The following CELF5 variants were observed in gnomAD, a reference collection of about 807,000 sequenced individuals.
CELF5 encodes the protein CUG-BP and ETR-3 like factor 5.
CELF5 carries 6 observed loss-of-function variants against 54.9 expected under a neutral mutation model. The observed-to-expected ratio is 0.11, with a 90% CI of 0.06 to 0.22. The LOEUF is 0.22. CELF5 is among the 10% of genes least tolerant of loss of function. The pLI, the probability that CELF5 is intolerant of heterozygous loss-of-function variation, is 1.00. For missense variants in CELF5, 401 were observed against 678.6 expected (o/e 0.59, Z 4.54); for synonymous variants, 271 against 290.9 (o/e 0.93, Z 0.70).
chr19:3,251,652 C>CTTT (rs1195812856), intron 2 of CELF5, among the ~76,000 whole-genome samples: 3,492 of 66,362 alleles, frequency 0.053, 184 homozygotes, highest in East Asian at 0.32. Context: ...ACAAGGGCTT[C>CTTT]TTTTTTTTTT....
chr19:3,292,900 C>T (rs190748699), intron 11 of CELF5, among the ~76,000 whole-genome samples: 40 of 152,026 alleles, frequency 2.6e-4, no homozygotes, highest in African/African-American at 7.2e-4. Flanking sequence ...TGTCCCCACT[C>T]CCTTCTGCAA....
At position 3,226,694 on chromosome 19, in the gene CELF5, C is replaced by T. The variant is rs962981620; in HGVS notation, c.259+1696C>T. Among the ~76,000 whole-genome samples, 11 of 152,082 alleles carry T rather than the reference C, an allele frequency of 7.2e-5. No individual in the cohort carries two copies. The East Asian group carries it at 1.4e-3, about 19-fold the overall frequency. On this transcript the variant is annotated intron_variant, in intron 1 of 12. Transcript: ENST00000292672. ...CCCCCAAACGGTTGCATTGAAAGGC[C>T]GCTGGTTGAGCTCTAGGTCGGAGAG...
rs1027005158 is a variant in CELF5 at position 3,278,237 on chromosome 19, C to T, written c.603+127C>T. The T allele has an allele frequency of 1.0e-4, 71 of 701,452 alleles. No individual in the cohort carries two copies. The highest frequency in any genetic ancestry group is 7.1e-5 in the Admixed American group (3 of 42,552). The allele number at this position is 701,452 out of a possible 1,614,324, so 43.5% of individuals were successfully genotyped here. A position where few individuals can be genotyped will look rare whatever the true frequency, so the allele number is the denominator to read the frequency against. The stretch of plus-strand genomic sequence containing the variant: ...GCCCCTGGCTGTCCTTCAGAGGGGG[C>T]ACAGGTGGAGAAAGAGGCGCAGTCC... On this transcript the variant is annotated intron_variant, in intron 5 of 12. Transcript: ENST00000292672. The surrounding 1 kb of genome is among the most constrained non-coding windows in gnomAD (Gnocchi z 4.5).
At chr19:3,239,940 C>T (rs985525796) in intron 1 of CELF5, among the ~76,000 whole-genome samples, 13 of 152,084 alleles carry the variant, frequency 8.5e-5, no homozygotes, top group African/African-American at 3.1e-4. Flanking sequence ...TGACATCAGT[C>T]CAGCAGTTCT....
intron 1 of CELF5, among the ~76,000 whole-genome samples, chr19:3,233,144 G>A (rs1917349555): frequency 6.6e-6 from 1 of 151,052 alleles, no homozygotes; most frequent in African/African-American, 2.5e-5. Context: ...TAAAAAAGCT[G>A]CACGTGGTGG....
chr19:3,285,294 A>G (rs1212503302), intron 9 of CELF5, among the ~76,000 whole-genome samples: 1 of 149,662 alleles, frequency 6.7e-6, no homozygotes, highest in African/African-American at 2.5e-5. Context: ...ACCCAACCCC[A>G]GCTCTCGGCC....
chr19:3,261,982 C>T (rs542325890), intron 2 of CELF5, among the ~76,000 whole-genome samples: 184 of 152,060 alleles, frequency 1.2e-3, no homozygotes, highest in Non-Finnish European at 2.2e-3. Flanking sequence ...GGCTGTTGAG[C>T]CTTTGAATTG....
In CELF5 at chr19:3,282,945, C is replaced by T. The variant is rs1356565369; in HGVS notation, c.1039+447C>T. Among the ~76,000 whole-genome samples the T allele has an allele frequency of 6.6e-6, 1 of 152,214 alleles. No homozygotes were observed. Among genetic ancestry groups the T allele is most frequent in the African/African-American group, 2.4e-5 (1 of 41,456 alleles). On this transcript the variant is annotated intron_variant, in intron 8 of 12. Transcript: ENST00000292672. The surrounding 1 kb of genome is among the most constrained non-coding windows in gnomAD (Gnocchi z 5.2). Reference sequence around the variant, plus strand: ...TCCCAGGTTCAAGTGATTCTCCTGCCTCAGCCTCCCAAGTAGCTGGGATTA... The same window carrying T: ...TCCCAGGTTCAAGTGATTCTCCTGCTTCAGCCTCCCAAGTAGCTGGGATTA...
Position 3,277,748 on chromosome 19 carries a change from G to T in CELF5, c.524-283G>T, listed in dbSNP as rs573529111. Reference sequence around the variant, plus strand: ...GTGTCTGGTGGTCTCTGTGTGTGTGGCTGTCTGTCTGCATTAGCCTGGCTG... The same window carrying T: ...GTGTCTGGTGGTCTCTGTGTGTGTGTCTGTCTGTCTGCATTAGCCTGGCTG... On this transcript the variant is annotated intron_variant, in intron 4 of 12. Coordinates refer to ENST00000292672, the MANE Select transcript of CELF5 (RefSeq NM_021938.4). Among the ~76,000 whole-genome samples the T allele has an allele frequency of 2.2e-4, 34 of 152,176 alleles. 1 individual carries two copies. In the South Asian group the frequency reaches 5.4e-3, roughly 24 times the overall value.
intron 2 of CELF5, among the ~76,000 whole-genome samples, chr19:3,258,494 G>T (rs1257315395): frequency 6.6e-6 from 1 of 152,084 alleles, no homozygotes; most frequent in African/African-American, 2.4e-5. Context: ...CTACATCCAG[G>T]ATAATTTTAT....
chr19:3,238,697 C>T (rs1279620352), intron 1 of CELF5, among the ~76,000 whole-genome samples: 2 of 152,062 alleles, frequency 1.3e-5, no homozygotes, highest in East Asian at 1.9e-4. Flanking sequence ...TTTGGGAGAC[C>T]GAGGCAGGTG....
rs1350234739 is a variant in CELF5, at chr19:3,228,414, G to C, written c.259+3416G>C. Among the ~76,000 whole-genome samples, 1 of 152,202 alleles carries C rather than the reference G, an allele frequency of 6.6e-6. No homozygotes were observed. The highest frequency in any genetic ancestry group is 1.5e-5 in the Non-Finnish European group (1 of 68,030). On this transcript the variant is annotated intron_variant, in intron 1 of 12. Transcript: ENST00000292672. The surrounding 1 kb of genome is among the most constrained non-coding windows in gnomAD (Gnocchi z 6.0). The stretch of plus-strand genomic sequence containing the variant: ...CCTGCCCCGGGGACCCTCCCTCCAA[G>C]GCAGGCACCTCTGGAGCTGTGGCTG...
chr19:3,241,062 G>C (rs548432782), intron 1 of CELF5, among the ~76,000 whole-genome samples: 115 of 147,660 alleles, frequency 7.8e-4, no homozygotes, highest in African/African-American at 2.6e-3. Context: ...TTGAAGATCA[G>C]TTCTTTTTTT....
At chr19:3,266,086 C>T (rs1354736811) in intron 2 of CELF5, among the ~76,000 whole-genome samples, 4 of 152,138 alleles carry the variant, frequency 2.6e-5, no homozygotes. Flanking sequence ...GAATTACAGG[C>T]GTGAGCGCAC....
chr19:3,267,037 C>T (rs968025387), intron 2 of CELF5, among the ~76,000 whole-genome samples: 10 of 152,022 alleles, frequency 6.6e-5, no homozygotes, highest in Non-Finnish European at 1.5e-4. Context: ...TCTCCTGTGC[C>T]CTGCTTCCCC....
chr19:3,246,684 G>A (rs1180416052), intron 1 of CELF5, among the ~76,000 whole-genome samples: 2 of 152,146 alleles, frequency 1.3e-5, no homozygotes, highest in African/African-American at 4.8e-5. Flanking sequence ...CTGCACTCCA[G>A]CCTGGGCAAC....
At chr19:3,279,323 C>T (rs1326131318) in intron 5 of CELF5, among the ~76,000 whole-genome samples, 1 of 152,020 alleles carries the variant, frequency 6.6e-6, no homozygotes, top group Non-Finnish European at 1.5e-5. Flanking sequence ...CTGCCCTTCC[C>T]CCGAGGAAGG....
intron 5 of CELF5, among the ~76,000 whole-genome samples, chr19:3,280,710 G>A (rs987669270): frequency 1.3e-5 from 2 of 152,124 alleles, no homozygotes; most frequent in African/African-American, 4.8e-5. Flanking sequence ...AGGTGTGGGT[G>A]AGAATTGGAG....
At chr19:3,240,482 C>G (rs2079476339) in intron 1 of CELF5, among the ~76,000 whole-genome samples, 1 of 151,880 alleles carries the variant, frequency 6.6e-6, no homozygotes, top group African/African-American at 2.4e-5. Context: ...CATGAACCAC[C>G]ACACCCAGCT....
Sources: gnomAD v4.1 joint callset for allele counts (sites outside exome capture counted in the v4.1 genomes callset) on GRCh38, gnomAD v4.1.1 for gene constraint, Gnocchi (gnomAD v3.1) non-coding constraint, MANE v1.5 for transcripts, NCBI Gene and HGNC (gene_info 2026-07-23, HGNC 2026-07-21) for gene names.